Variants in CNTN4 observed in about 807,000 individuals in gnomAD.
CNTN4 encodes contactin-4.
A neutral mutation model predicts 122.5 loss-of-function variants in CNTN4; 77 were observed. The observed-to-expected ratio is 0.63, with a 90% CI of 0.52 to 0.76. The LOEUF (loss-of-function observed/expected upper bound fraction) is 0.76, where lower values mean the gene tolerates loss of function less well. Among genes scored for constraint, CNTN4 ranks in the 30% least tolerant of loss-of-function variants. CNTN4 has a pLI of 0.00. For synonymous variants in CNTN4, 512 were observed against 447.0 expected (o/e 1.15, Z -1.83); for missense variants, 1,256 against 1,259.1 (o/e 1.00, Z 0.04).
Position 2,352,409 on chromosome 3 carries a change from G to A in CNTN4, c.-89+13176G>A, listed in dbSNP as rs368940194. 4.2e-3 allele frequency among the ~76,000 whole-genome samples: 638 copies of A among 152,290 alleles called. 4 individuals are homozygous for A. The highest frequency in any genetic ancestry group is 6.2e-3 in the Non-Finnish European group (425 of 68,010). On this transcript the variant is annotated intron_variant, in intron 3 of 24. Coordinates refer to ENST00000418658, the MANE Select transcript of CNTN4 (RefSeq NM_175607.3). ...AGGTGTGGAGGGAAAGGCTCGGGTG[G>A]GAACCAGGGCTGCGCAGCGCTCGCA...
intron 6 of CNTN4, among the ~76,000 whole-genome samples, chr3:2,803,750 C>T (rs1404693011): frequency 6.6e-6 from 1 of 151,662 alleles, no homozygotes; most frequent in South Asian, 2.1e-4. Flanking sequence ...TCAGTAGAGA[C>T]GAGTTTCACC....
intron 3 of CNTN4, among the ~76,000 whole-genome samples, chr3:2,405,931 G>A (rs1454678603): frequency 6.6e-6 from 1 of 152,214 alleles, no homozygotes; most frequent in Non-Finnish European, 1.5e-5. Context: ...GGAGGCTGAG[G>A]TGGGAGGACT....
At chr3:2,756,588 C>A (rs1406334706) in intron 6 of CNTN4, among the ~76,000 whole-genome samples, 1 of 152,176 alleles carries the variant, frequency 6.6e-6, no homozygotes, top group Non-Finnish European at 1.5e-5. Flanking sequence ...TGAAAGTGAC[C>A]TTATTTGGAA....
intron 2 of CNTN4, among the ~76,000 whole-genome samples, chr3:2,276,981 G>T (rs1001191234): frequency 6.6e-6 from 1 of 152,060 alleles, no homozygotes; most frequent in East Asian, 1.9e-4. Flanking sequence ...AAATCCATAT[G>T]CCACAGGATG....
At chr3:2,293,382 A>G (rs1046070148) in intron 2 of CNTN4, among the ~76,000 whole-genome samples, 1 of 152,208 alleles carries the variant, frequency 6.6e-6, no homozygotes, top group African/African-American at 2.4e-5. Flanking sequence ...TTGTGAGTAA[A>G]GGCAATATAT....
At chr3:2,869,747 C>T (rs2093764064) in intron 8 of CNTN4, among the ~76,000 whole-genome samples, 1 of 152,146 alleles carries the variant, frequency 6.6e-6, no homozygotes, top group Non-Finnish European at 1.5e-5. Flanking sequence ...TGCGCTCCAG[C>T]ACGGTGCTTG....
chr3:2,390,097 C>T (rs1360628368), intron 3 of CNTN4, among the ~76,000 whole-genome samples: 1 of 151,874 alleles, frequency 6.6e-6, no homozygotes, highest in Admixed American at 6.6e-5. Context: ...TTTCAGATGA[C>T]AGTTTTACTG....
intron 4 of CNTN4, among the ~76,000 whole-genome samples, chr3:2,731,337 C>T (rs1051081821): frequency 6.6e-6 from 1 of 152,090 alleles, no homozygotes; most frequent in Non-Finnish European, 1.5e-5. Flanking sequence ...CATCCTAATT[C>T]AAGATAATTA....
chr3:2,169,740 G>T (rs2036384993), intron 2 of CNTN4, among the ~76,000 whole-genome samples: 1 of 152,102 alleles, frequency 6.6e-6, no homozygotes, highest in Non-Finnish European at 1.5e-5. Context: ...AAACAGTAGT[G>T]AATATAACAA....
At chr3:2,131,025 T>C (rs1346282132) in intron 2 of CNTN4, among the ~76,000 whole-genome samples, 1 of 152,186 alleles carries the variant, frequency 6.6e-6, no homozygotes, top group East Asian at 1.9e-4. Flanking sequence ...GATAAGGGAT[T>C]ATGGACCTGT....
chr3:2,370,594 A>G (rs1197934234), intron 3 of CNTN4, among the ~76,000 whole-genome samples: 1 of 152,168 alleles, frequency 6.6e-6, no homozygotes, highest in African/African-American at 2.4e-5. Flanking sequence ...AATGATTTGC[A>G]TATTTTTCAC....
chr3:3,045,573 C>G (rs1247269350), intron 23 of CNTN4, among the ~76,000 whole-genome samples: 1 of 152,252 alleles, frequency 6.6e-6, no homozygotes, highest in East Asian at 1.9e-4. Context: ...AGGGTCCTGA[C>G]TGTTAGAAGG....
At chr3:2,664,991 A>C (rs1336258562) in intron 4 of CNTN4, among the ~76,000 whole-genome samples, 1 of 152,174 alleles carries the variant, frequency 6.6e-6, no homozygotes, top group Non-Finnish European at 1.5e-5. Context: ...TTTCCTCTGA[A>C]ATACCAATAA....
chr3:2,731,895 A>G (rs1156967623), intron 4 of CNTN4, among the ~76,000 whole-genome samples: 1 of 152,226 alleles, frequency 6.6e-6, no homozygotes, highest in East Asian at 1.9e-4. Context: ...CTCTTTGTCA[A>G]TTCAGTGCAG....
chr3:2,613,364 G>T (rs2081579715), intron 4 of CNTN4, among the ~76,000 whole-genome samples: 1 of 152,036 alleles, frequency 6.6e-6, no homozygotes, highest in African/African-American at 2.4e-5. Context: ...GATCAACCGT[G>T]ATTCAACCAT....
intron 21 of CNTN4, 107 bp from the exon 22 acceptor site, chr3:3,042,870 A>G (rs898649100): frequency 1.3e-5 from 11 of 863,328 alleles, no homozygotes; most frequent in Admixed American, 1.2e-4. Flanking sequence ...ATGATGTAGT[A>G]TAGAAAACTA....
At position 2,498,508 on chromosome 3, in the gene CNTN4, GC is replaced by G. The variant is rs1249245031; in HGVS notation, c.-88-72907del. 1.8e-4 allele frequency among the ~76,000 whole-genome samples: 24 copies of G among 131,956 alleles called. No individual in the cohort carries two copies. The South Asian group carries it at 5.7e-3, about 32-fold the overall frequency. 86.6% of individuals were successfully genotyped at this position (131,956 alleles called of 152,430 possible). A position where few individuals can be genotyped will look rare whatever the true frequency, so the allele number is the denominator to read the frequency against. On this transcript the variant is annotated intron_variant, in intron 3 of 24. Coordinates refer to ENST00000418658, the MANE Select transcript of CNTN4 (RefSeq NM_175607.3). ...TTGTTGTTGTTGGAGACAGGATCTC[GC>G]TTTGTCACCCAGGCTGGAGTGCATG...
At chr3:2,329,671 T>C (rs1153479) in intron 2 of CNTN4, among the ~76,000 whole-genome samples, 102,377 of 151,970 alleles carry the variant, frequency 0.67, 35,173 homozygotes, top group East Asian at 0.95. Context: ...AAAGTTACTT[T>C]GACTCACAGA....
chr3:2,407,130 G>A (rs1024292975), intron 3 of CNTN4, among the ~76,000 whole-genome samples: 3 of 152,184 alleles, frequency 2.0e-5, no homozygotes, highest in Admixed American at 6.6e-5. Context: ...ATACAACAGC[G>A]GACAAGGGAA....
Sources: allele counts gnomAD v4.1 joint callset (sites outside exome capture counted in the v4.1 genomes callset), GRCh38; gene constraint gnomAD v4.1.1; transcripts MANE v1.5; gene names NCBI Gene and HGNC (gene_info 2026-07-23, HGNC 2026-07-21).